The following ARHGAP10 variants were observed in gnomAD, a reference collection of about 807,000 sequenced individuals.
ARHGAP10 encodes the protein Rho GTPase activating protein 10, also known as rho GTPase-activating protein 10.
In ARHGAP10, 87 loss-of-function variants were observed where a neutral mutation model predicts 108.6. The ratio of observed to expected loss-of-function variants is 0.80; its 90% confidence interval spans 0.67 to 0.96. The LOEUF (loss-of-function observed/expected upper bound fraction) is 0.96, where lower values mean the gene tolerates loss of function less well. Ranked by LOEUF, ARHGAP10 falls within the 40% of genes least tolerant of loss-of-function variation. The probability of loss-of-function intolerance (pLI) is 0.00; values close to 1 mark genes in which losing one functional copy is unlikely to be tolerated. For synonymous variants in ARHGAP10, 347 were observed against 341.1 expected (o/e 1.02, Z -0.19); for missense variants, 939 against 954.5 (o/e 0.98, Z 0.21).
intron 1 of ARHGAP10, among the ~76,000 whole-genome samples, chr4:147,737,949 A>G (rs1412143421): frequency 1.3e-5 from 2 of 151,500 alleles, no homozygotes; most frequent in East Asian, 1.9e-4. Flanking sequence ...TCTTTTTGTC[A>G]CATTGCCTTT....
chr4:148,055,936 A>G (rs1288822822), intron 20 of ARHGAP10, among the ~76,000 whole-genome samples: 1 of 152,008 alleles, frequency 6.6e-6, no homozygotes, highest in Non-Finnish European at 1.5e-5. Flanking sequence ...ATCTCCCCCA[A>G]ACCCCACGTC....
chr4:148,030,131 T>C (rs898591532), intron 19 of ARHGAP10, among the ~76,000 whole-genome samples: 2 of 152,024 alleles, frequency 1.3e-5, no homozygotes, highest in Non-Finnish European at 2.9e-5. Flanking sequence ...AAAAAAAGCT[T>C]ATTTAATGCC....
intron 18 of ARHGAP10, among the ~76,000 whole-genome samples, chr4:147,996,227 C>T (rs1199135840): frequency 6.6e-6 from 1 of 152,182 alleles, no homozygotes; most frequent in Admixed American, 6.5e-5. Context: ...CCTATGGAAA[C>T]CTCTATCATA....
intron 4 of ARHGAP10, among the ~76,000 whole-genome samples, chr4:147,849,926 A>G (rs1383760203): frequency 1.3e-5 from 2 of 152,196 alleles, no homozygotes; most frequent in Non-Finnish European, 2.9e-5. Context: ...TTTTGCTATC[A>G]CAGTGAGAGG....
chr4:147,830,504 C>CA (rs1732908244), intron 3 of ARHGAP10, among the ~76,000 whole-genome samples: 1 of 136,164 alleles, frequency 7.3e-6, no homozygotes, highest in Non-Finnish European at 1.5e-5. Flanking sequence ...TGGTCAAAAC[C>CA]ACAATTCCTT....
chr4:147,798,773 CTCTCTCTCTATATATA>C lies in ARHGAP10; in HGVS notation c.155-23952_155-23937del, dbSNP rs1469512506. 1.7e-3 allele frequency among the ~76,000 whole-genome samples: 8 copies of C among 4,738 alleles called. 1 individual carries two copies. The highest frequency in any genetic ancestry group is 0.011 in the Admixed American group (2 of 180). The allele number at this position is 4,738 out of a possible 152,430, so 3.1% of individuals were successfully genotyped here. A position where few individuals can be genotyped will look rare whatever the true frequency, so the allele number is the denominator to read the frequency against. On this transcript the variant is annotated intron_variant, in intron 1 of 22. Transcript: ENST00000336498. Reference sequence around the variant, plus strand: ...TCTCTCTCTCTCTCTCTCTCTCTCTCTCTCTCTCTATATATATATATATATATATATATATATATAT... The same window carrying C: ...TCTCTCTCTCTCTCTCTCTCTCTCTCTATATATATATATATATATATATAT...
intron 13 of ARHGAP10, among the ~76,000 whole-genome samples, chr4:147,934,975 TACTC>T (rs1332822183): frequency 6.6e-6 from 1 of 152,272 alleles, no homozygotes; most frequent in Non-Finnish European, 1.5e-5. Flanking sequence ...ATGGGAATTT[TACTC>T]ACTGTCGAAT....
intron 1 of ARHGAP10, among the ~76,000 whole-genome samples, chr4:147,815,506 C>T (rs1026411566): frequency 6.6e-6 from 1 of 151,994 alleles, no homozygotes; most frequent in Non-Finnish European, 1.5e-5. Flanking sequence ...CTTGGATTAT[C>T]GTAGGGCCCA....
rs926270702 is a variant in ARHGAP10 at position 147,966,758 on chromosome 4, A to G, written c.1635A>G (p.Pro545=). 6.8e-6 allele frequency: 11 copies of G among 1,608,070 alleles called. No individual in the cohort carries two copies. The highest frequency in any genetic ancestry group is 9.4e-6 in the Non-Finnish European group (11 of 1,175,830). ...TGTTTGGACCAACTCTGATGAGGCCACAGGAAGAAACTGTCGCTGCCCTCA... is the reference window on the plus strand; with the variant it reads ...TGTTTGGACCAACTCTGATGAGGCCGCAGGAAGAAACTGTCGCTGCCCTCA... ...GVVFGPTLMR[P]QEETVAALMD... The change falls in exon 18 of 23, where the codon CCA becomes CCG. Residue 545 remains proline (P), a synonymous_variant. Coordinates refer to ENST00000336498, the MANE Select transcript of ARHGAP10 (RefSeq NM_024605.4).
intron 19 of ARHGAP10, among the ~76,000 whole-genome samples, chr4:148,024,329 T>C (rs1741687028): frequency 6.6e-6 from 1 of 152,206 alleles, no homozygotes; most frequent in Non-Finnish European, 1.5e-5. Context: ...TTTATTATCC[T>C]TGAGCTACCC....
At chr4:147,811,355 A>G (rs946975483) in intron 1 of ARHGAP10, among the ~76,000 whole-genome samples, 4 of 152,152 alleles carry the variant, frequency 2.6e-5, no homozygotes, top group African/African-American at 9.7e-5. Context: ...CACTGTGTAT[A>G]TTGGGGTTCA....
At chr4:147,938,074 A>C (rs949217468) in intron 13 of ARHGAP10, among the ~76,000 whole-genome samples, 5 of 152,214 alleles carry the variant, frequency 3.3e-5, no homozygotes, top group Non-Finnish European at 5.9e-5. Flanking sequence ...ACATGGATGG[A>C]AGTGGAGGCC....
chr4:147,732,421 TAAGG>T lies in ARHGAP10; in HGVS notation c.122_125del (p.Lys41ThrfsTer35). On this transcript the variant is annotated frameshift_variant, in exon 1 of 23. Coordinates refer to ENST00000336498, the MANE Select transcript of ARHGAP10 (RefSeq NM_024605.4). LOFTEE classifies it high-confidence loss of function. ...CCAACAAGTTCATCAAAGAGCTCAT[TAAGG>T]ACGGGAAGAACCTCATCGCTGCGAC... 6.2e-7 allele frequency: 1 copy of T among 1,612,372 alleles called. No individual in the cohort carries two copies. Among genetic ancestry groups the T allele is most frequent in the South Asian group, 1.1e-5 (1 of 90,912 alleles).
chr4:147,775,194 T>G (rs1730236843), intron 1 of ARHGAP10, among the ~76,000 whole-genome samples: 1 of 152,188 alleles, frequency 6.6e-6, no homozygotes, highest in Non-Finnish European at 1.5e-5. Flanking sequence ...ATTACAGGCG[T>G]GAGCCACCGC....
chr4:147,906,737 T>A lies in ARHGAP10; in HGVS notation c.1116+18T>A, dbSNP rs1736512377. 2.5e-6 allele frequency: 4 copies of A among 1,613,336 alleles called. No homozygotes were observed. In the South Asian group the frequency reaches 3.3e-5, roughly 13 times the overall value. ...AGGAAGCTGTAAGAATAATCAATGG[T>A]TGAGTTTTATTTCAAAGCCTTTAGA... On this transcript the variant is annotated intron_variant, in intron 11 of 22. Transcript: ENST00000336498.
intron 1 of ARHGAP10, among the ~76,000 whole-genome samples, chr4:147,768,465 C>T (rs1265440167): frequency 2.0e-5 from 3 of 151,784 alleles, no homozygotes; most frequent in African/African-American, 7.3e-5. Context: ...ACGTAACTTG[C>T]CAAATTCCTT....
At chr4:147,858,727 G>T (rs1317155406) in intron 5 of ARHGAP10, among the ~76,000 whole-genome samples, 1 of 152,160 alleles carries the variant, frequency 6.6e-6, no homozygotes, top group African/African-American at 2.4e-5. Context: ...GACAGCTGCA[G>T]CTTTTACAGG....
At chr4:147,915,844 C>T (rs1229605924) in intron 13 of ARHGAP10, among the ~76,000 whole-genome samples, 1 of 152,106 alleles carries the variant, frequency 6.6e-6, no homozygotes, top group Non-Finnish European at 1.5e-5. Flanking sequence ...TGGCTCACAC[C>T]TATAATCCCA....
chr4:147,990,883 G>T (rs183122343), intron 18 of ARHGAP10, among the ~76,000 whole-genome samples: 2 of 152,120 alleles, frequency 1.3e-5, no homozygotes, highest in Non-Finnish European at 2.9e-5. Flanking sequence ...TGGTGTTGTG[G>T]TGCATACCTG....
Sources: allele counts gnomAD v4.1 joint callset (sites outside exome capture counted in the v4.1 genomes callset), GRCh38; gene constraint gnomAD v4.1.1; transcripts MANE v1.5; gene names NCBI Gene and HGNC (gene_info 2026-07-23, HGNC 2026-07-21).